The following SETX variants were observed in gnomAD, a reference collection of about 807,000 sequenced individuals.
The protein encoded by SETX is helicase senataxin.
A neutral mutation model predicts 227.2 loss-of-function variants in SETX; 90 were observed. The ratio of observed to expected loss-of-function variants is 0.40; its 90% confidence interval spans 0.33 to 0.47. SETX has a LOEUF of 0.47. Ranked by LOEUF, SETX falls within the 20% of genes least tolerant of loss-of-function variation. The probability of loss-of-function intolerance (pLI) is 0.91; values close to 1 mark genes in which losing one functional copy is unlikely to be tolerated. For synonymous variants in SETX, 1,210 were observed against 1,113.2 expected (o/e 1.09, Z -1.73); for missense variants, 3,052 against 3,181.5 (o/e 0.96, Z 0.98).
chr9:132,264,634 T>C lies in SETX; in HGVS notation c.7639A>G (p.Ile2547Val), dbSNP rs1265313342. 6.2e-7 allele frequency: 1 copy of C among 1,614,222 alleles called. No individual in the cohort carries two copies. The highest frequency in any genetic ancestry group is 1.7e-5 in the Admixed American group (1 of 60,028). ...QDPRLLKRMG[I>V]EVKGGIFLWD... is the part of the protein sequence containing the mutation. ...AGGAATATTCCTCCTTTGACCTCAATGCCCATCCTCTTCAGCAGTCGTGGG... is the reference window on the plus strand; with the variant it reads ...AGGAATATTCCTCCTTTGACCTCAACGCCCATCCTCTTCAGCAGTCGTGGG... Residue 2547 changes from isoleucine to valine, a missense_variant, in exon 26 of 26, where the codon ATT (isoleucine) becomes GTT (valine). By Grantham distance (29) the Ile-to-Val change is conservative. This residue lies in a region of SETX where 294 missense variants were observed against 278.8 expected (regional missense o/e 1.05). Coordinates refer to ENST00000224140, the MANE Select transcript of SETX (RefSeq NM_015046.7).
chr9:132,278,103 T>C lies in SETX; in HGVS notation c.6809A>G (p.Asn2270Ser), dbSNP rs1843271798. The change falls in exon 21 of 26, where the codon AAT becomes AGT. Residue 2270 changes from asparagine (N) to serine (S), a missense_variant. Around this residue, in one of 10 missense-constraint regions of SETX, gnomAD observed 412 missense variants for 589.0 expected, o/e 0.70. Transcript: ENST00000224140. The stretch of plus-strand genomic sequence containing the variant: ...TTTTAAGTTTCTGTTATAAACATAA[T>C]TAGAAGGGAAGAGGCATATGTCTGG... ...MHPDICLFPS[N>S]YVYNRNLKTN... is the part of the protein sequence containing the mutation. 6.2e-7 allele frequency: 1 copy of C among 1,613,944 alleles called. No individual in the cohort carries two copies. Among genetic ancestry groups the C allele is most frequent in the Non-Finnish European group, 8.5e-7 (1 of 1,179,950 alleles).
chr9:132,268,993 T>C (rs1391705336), intron 25 of SETX, among the ~76,000 whole-genome samples: 1 of 150,962 alleles, frequency 6.6e-6, no homozygotes, highest in Admixed American at 6.6e-5. Context: ...AATGACTTCA[T>C]AAAAAAGAGA....
intron 3 of SETX, 108 bp from the exon 4 acceptor site, chr9:132,346,579 T>A (rs1848305680): frequency 2.6e-6 from 2 of 784,034 alleles, no homozygotes; most frequent in South Asian, 1.5e-5. Context: ...TTCTGAAATG[T>A]AAAGTATTAG....
chr9:132,283,148 G>T, intron 19 of SETX, 116 bp downstream of exon 19: 1 of 1,311,828 alleles, frequency 7.6e-7, no homozygotes, highest in Non-Finnish European at 1.1e-6. Context: ...AATAGCAAGT[G>T]AAAATCAGAT....
At position 132,262,094 on chromosome 9, in the gene SETX, T is replaced by C. The variant is rs1011315463; in HGVS notation, c.*2145A>G. On this transcript the variant is annotated 3_prime_UTR_variant, in exon 26 of 26. Transcript: ENST00000224140. ...CGTCACAGGACACAGGCTCGTCTGT[T>C]AGAAAGGATGATCTAGTTCTACCAT... The C allele has an allele frequency of 6.6e-6, 1 of 152,256 alleles. No homozygotes were observed. Among genetic ancestry groups the C allele is most frequent in the African/African-American group, 2.4e-5 (1 of 41,450 alleles). The allele number at this position is 152,256 out of a possible 1,614,324, so 9.4% of individuals were successfully genotyped here. A position where few individuals can be genotyped will look rare whatever the true frequency, so the allele number is the denominator to read the frequency against.
rs531574654 is a variant in SETX, at chr9:132,326,231, T to C, written c.5274+93A>G. The C allele has an allele frequency of 2.0e-4, 203 of 1,021,100 alleles. No homozygotes were observed. In the South Asian group the frequency reaches 2.7e-3, roughly 13 times the overall value. 63.3% of individuals were successfully genotyped at this position (1,021,100 alleles called of 1,614,324 possible). Reference sequence around the variant, plus strand: ...ACAGGTGCCCGCAACCACGCCTGGCTGATTTTTTGAACTATACTCTCATTT... The same window carrying C: ...ACAGGTGCCCGCAACCACGCCTGGCCGATTTTTTGAACTATACTCTCATTT... On this transcript the variant is annotated intron_variant, in intron 10 of 25. Transcript: ENST00000224140.
In SETX at chr9:132,263,017, T is replaced by A. The variant is rs1842471258; in HGVS notation, c.*1222A>T. On this transcript the variant is annotated 3_prime_UTR_variant, in exon 26 of 26. Transcript: ENST00000224140. ...GAGCTTCCTCGATCTCCATTCACCA[T>A]GACCAATTTTTTCCCCCACAAAAGC... The A allele has an allele frequency of 6.6e-6, 1 of 152,156 alleles. No homozygotes were observed. Among genetic ancestry groups the A allele is most frequent in the Non-Finnish European group, 1.5e-5 (1 of 68,016 alleles). The allele number at this position is 152,156 out of a possible 1,614,324, so 9.4% of individuals were successfully genotyped here. A position where few individuals can be genotyped will look rare whatever the true frequency, so the allele number is the denominator to read the frequency against.
At chr9:132,298,391 G>T in intron 12 of SETX, 79 bp from the exon 13 acceptor site, 1 of 1,179,894 alleles carries the variant, frequency 8.5e-7, no homozygotes, top group Non-Finnish European at 1.3e-6. Flanking sequence ...TGCAGAATTA[G>T]GTATTTTTAA....
In SETX at chr9:132,283,359, T is replaced by C; in HGVS notation, c.6451A>G (p.Ile2151Val). Reference protein sequence around the residue: ...QSIIILESHIICCTLSTSGGL... With the variant: ...QSIIILESHIVCCTLSTSGGL... ...CCACTTGTGCTCAACGTGCAGCAGA[T>C]GATATGGGACTCTAAGATGATGATA... is the stretch of plus-strand genomic sequence containing the variant. Residue 2151 changes from isoleucine to valine, a missense_variant, in exon 19 of 26, where the codon ATC becomes GTC. Ile to Val is a conservative substitution (Grantham distance 29). Coordinates refer to ENST00000224140, the MANE Select transcript of SETX (RefSeq NM_015046.7). 1 of 1,614,182 alleles carries C rather than the reference T, an allele frequency of 6.2e-7. No homozygotes were observed. Among genetic ancestry groups the C allele is most frequent in the Non-Finnish European group, 8.5e-7 (1 of 1,180,030 alleles).
intron 5 of SETX, among the ~76,000 whole-genome samples, chr9:132,338,292 C>T (rs1203231834): frequency 6.6e-6 from 1 of 151,976 alleles, no homozygotes; most frequent in East Asian, 1.9e-4. Flanking sequence ...GGGGTTTCAC[C>T]ATGCTGGCCA....
rs78636572 is a variant in SETX at position 132,286,798 on chromosome 9, G to A, written c.6325-304C>T. 0.012 allele frequency among the ~76,000 whole-genome samples: 1,871 copies of A among 152,282 alleles called. 16 individuals carry two copies. Among genetic ancestry groups the A allele is most frequent in the Middle Eastern group, 0.024 (7 of 294 alleles). Reference sequence around the variant, plus strand: ...TAAATCACACCCCAACCATTCCTCTGGCCACAGTGATGGGCATCTAACACA... The same window carrying A: ...TAAATCACACCCCAACCATTCCTCTAGCCACAGTGATGGGCATCTAACACA... On this transcript the variant is annotated intron_variant, in intron 17 of 25. Coordinates refer to ENST00000224140, the MANE Select transcript of SETX (RefSeq NM_015046.7).
chr9:132,325,205 A>G (rs543811927), intron 10 of SETX, among the ~76,000 whole-genome samples: 6 of 152,126 alleles, frequency 3.9e-5, no homozygotes, highest in Admixed American at 6.5e-5. Context: ...AAATACAAAA[A>G]ATTAGCCGGC....
intron 20 of SETX, among the ~76,000 whole-genome samples, chr9:132,279,252 CAACACAG>C (rs1843358038): frequency 6.6e-6 from 1 of 151,754 alleles, no homozygotes; most frequent in African/African-American, 2.4e-5. Context: ...CCGATGGCAG[CAACACAG>C]AAAGTTTCAA....
At chr9:132,335,149 G>C (rs1016009996) in intron 6 of SETX, among the ~76,000 whole-genome samples, 6 of 151,964 alleles carry the variant, frequency 3.9e-5, no homozygotes, top group East Asian at 1.9e-4. Context: ...CCAGCACTTT[G>C]GGAGGCCAAG....
intron 2 of SETX, among the ~76,000 whole-genome samples, chr9:132,352,266 T>C (rs1189083795): frequency 6.6e-6 from 1 of 152,238 alleles, no homozygotes; most frequent in East Asian, 1.9e-4. Flanking sequence ...CACCATTTTT[T>C]GGACACCACT....
intron 3 of SETX, among the ~76,000 whole-genome samples, chr9:132,348,918 AG>A (rs748951366): frequency 6.6e-6 from 1 of 152,142 alleles, no homozygotes; most frequent in Non-Finnish European, 1.5e-5. Context: ...AACAGAGCAA[AG>A]ACCTTGTCTC....
At chr9:132,285,961 G>T (rs1360368493) in intron 18 of SETX, among the ~76,000 whole-genome samples, 1 of 149,040 alleles carries the variant, frequency 6.7e-6, no homozygotes, top group East Asian at 2.0e-4. Flanking sequence ...GAGGCAGGAG[G>T]ATCATGACGT....
intron 15 of SETX, among the ~76,000 whole-genome samples, chr9:132,295,166 G>A (rs544710653): frequency 2.1e-4 from 32 of 152,156 alleles, no homozygotes; most frequent in Admixed American, 3.3e-4. Context: ...TGAATCATCC[G>A]TTGTAATGCT....
In SETX at chr9:132,327,365, T is replaced by C. The variant is rs763131913; in HGVS notation, c.4233A>G (p.Lys1411=). ...CAGAAGGCATGCATTTTATTAACTG[T>C]TTTCTGTTACTGTTGGCAAGTACCT... ...GTEVLANSNR[K]QLIKCMPSEP... Residue 1411 remains lysine (K), a synonymous_variant, in exon 10 of 26, where the codon AAA becomes AAG. Coordinates refer to ENST00000224140, the MANE Select transcript of SETX (RefSeq NM_015046.7). 21 of 1,614,120 alleles carry C rather than the reference T, an allele frequency of 1.3e-5. No individual in the cohort carries two copies. In the East Asian group the frequency reaches 4.5e-4, roughly 34 times the overall value.
Sources: allele counts gnomAD v4.1 joint callset (sites outside exome capture counted in the v4.1 genomes callset), GRCh38; gene constraint gnomAD v4.1.1; regional missense constraint gnomAD v4.1.1; transcripts MANE v1.5; gene names NCBI Gene and HGNC (gene_info 2026-07-23, HGNC 2026-07-21).